FAM184A: variants seen among roughly 807,000 people sequenced by gnomAD.
The protein encoded by FAM184A is protein FAM184A.
In FAM184A, 99 loss-of-function variants were observed where a neutral mutation model predicts 143.8. That is an observed-to-expected ratio of 0.69 (90% CI 0.58 to 0.81). FAM184A has a LOEUF of 0.81. Among genes scored for constraint, FAM184A ranks in the 40% least tolerant of loss-of-function variants. The probability of loss-of-function intolerance (pLI) is 0.00; values close to 1 mark genes in which losing one functional copy is unlikely to be tolerated. For missense variants in FAM184A, 1,217 were observed against 1,310.5 expected (o/e 0.93, Z 1.10); for synonymous variants, 427 against 446.4 (o/e 0.96, Z 0.55).
intron 15 of FAM184A, among the ~76,000 whole-genome samples, chr6:118,965,862 T>A (rs1227705339): frequency 6.6e-6 from 1 of 152,220 alleles, no homozygotes; most frequent in Admixed American, 6.5e-5. Context: ...TTTCAATACA[T>A]TTACTATGCT....
chr6:119,124,374 G>A (rs561728856), intron 1 of FAM184A, among the ~76,000 whole-genome samples: 34 of 152,246 alleles, frequency 2.2e-4, no homozygotes, highest in South Asian at 2.1e-3. Context: ...TATGTAAATT[G>A]TAGAGTTATG....
chr6:119,076,515 T>C (rs914384411), intron 1 of FAM184A, among the ~76,000 whole-genome samples: 1 of 151,892 alleles, frequency 6.6e-6, no homozygotes, highest in African/African-American at 2.4e-5. Context: ...TTTTTTCTGA[T>C]AAAAGAACAG....
intron 1 of FAM184A, among the ~76,000 whole-genome samples, chr6:119,097,880 G>A (rs923986884): frequency 6.6e-6 from 1 of 152,072 alleles, no homozygotes; most frequent in African/African-American, 2.4e-5. Context: ...TCTTGGAGCT[G>A]GCCATAAAGA....
intron 1 of FAM184A, among the ~76,000 whole-genome samples, chr6:119,099,554 C>T (rs1002040988): frequency 6.6e-6 from 1 of 152,266 alleles, no homozygotes; most frequent in Non-Finnish European, 1.5e-5. Context: ...AGGAAAATTG[C>T]ACCGACAGGC....
At chr6:119,027,504 AC>A (rs1468916792) in intron 1 of FAM184A, among the ~76,000 whole-genome samples, 1 of 152,082 alleles carries the variant, frequency 6.6e-6, no homozygotes, top group Admixed American at 6.6e-5. Context: ...TATAGCAGGG[AC>A]CCCACCTCTC....
chr6:118,985,467 G>A (rs1784163184), intron 9 of FAM184A, among the ~76,000 whole-genome samples: 1 of 152,260 alleles, frequency 6.6e-6, no homozygotes, highest in East Asian at 1.9e-4. Context: ...TCCAGTAGAG[G>A]GGCCAGCCAG....
intron 1 of FAM184A, among the ~76,000 whole-genome samples, chr6:119,107,525 G>A (rs537448788): frequency 1.3e-5 from 2 of 152,298 alleles, no homozygotes; most frequent in Non-Finnish European, 2.9e-5. Context: ...ACTTTGGGAG[G>A]CCAAGGTGGG....
At chr6:119,071,845 G>A (rs1373121969) in intron 1 of FAM184A, among the ~76,000 whole-genome samples, 1 of 141,518 alleles carries the variant, frequency 7.1e-6, no homozygotes, top group Non-Finnish European at 1.5e-5. Context: ...ACAGTCTAAA[G>A]TCTAAACCTT....
chr6:119,022,093 C>G (rs917240053), intron 3 of FAM184A, among the ~76,000 whole-genome samples: 9 of 103,706 alleles, frequency 8.7e-5, no homozygotes, highest in African/African-American at 3.4e-4. Flanking sequence ...CAGCCTTGCT[C>G]TGTTGCTCAG....
intron 1 of FAM184A, among the ~76,000 whole-genome samples, chr6:119,047,003 A>C (rs1165783120): frequency 6.6e-6 from 1 of 152,092 alleles, no homozygotes; most frequent in Non-Finnish European, 1.5e-5. Context: ...AATAACCAGA[A>C]TACATAAAAG....
chr6:119,119,933 A>C (rs1319203503), intron 1 of FAM184A, among the ~76,000 whole-genome samples: 1 of 152,222 alleles, frequency 6.6e-6, no homozygotes, highest in Non-Finnish European at 1.5e-5. Flanking sequence ...GCAGTGAGCC[A>C]TGATTGTGCC....
chr6:119,022,814 T>C (rs1322861730), intron 3 of FAM184A, 131 bp downstream of exon 3: 3 of 1,010,192 alleles, frequency 3.0e-6, no homozygotes, highest in Non-Finnish European at 2.9e-6. Flanking sequence ...GAGGCAGAGG[T>C]TGCAATGAGC....
intron 3 of FAM184A, among the ~76,000 whole-genome samples, chr6:119,020,755 G>GT (rs1785417591): frequency 6.6e-6 from 1 of 152,278 alleles, no homozygotes; most frequent in Admixed American, 6.5e-5. Flanking sequence ...TGGGAGGATT[G>GT]TTTGAGCCCA....
chr6:119,128,628 G>A (rs183260122), intron 1 of FAM184A, among the ~76,000 whole-genome samples: 156 of 152,186 alleles, frequency 1.0e-3, no homozygotes, highest in African/African-American at 3.6e-3. Context: ...GGTGAGTGGG[G>A]AGGGAAGGAA....
intron 1 of FAM184A, among the ~76,000 whole-genome samples, chr6:119,066,056 G>C (rs182887781): frequency 6.6e-6 from 1 of 152,288 alleles, no homozygotes; most frequent in African/African-American, 2.4e-5. Context: ...TACAGGGAAG[G>C]AAGAGAGGAC....
chr6:118,984,169 A>T (rs1487295733), intron 9 of FAM184A, among the ~76,000 whole-genome samples: 1 of 142,202 alleles, frequency 7.0e-6, no homozygotes, highest in Non-Finnish European at 1.5e-5. Context: ...ATATATATAT[A>T]TATATATATT....
chr6:119,144,333 C>CAAA (rs555955754), intron 1 of FAM184A, among the ~76,000 whole-genome samples: 1 of 77,982 alleles, frequency 1.3e-5, no homozygotes, highest in Non-Finnish European at 2.9e-5. Context: ...GACTCTGACT[C>CAAA]AAAAAAAAAA....
intron 14 of FAM184A, among the ~76,000 whole-genome samples, chr6:118,970,006 A>ATT (rs1242296300): frequency 4.9e-5 from 1 of 20,490 alleles, no homozygotes; most frequent in East Asian, 2.0e-3. Context: ...ATATATATAT[A>ATT]TATTTTTTTT....
At chr6:119,049,723 T>C (rs1273093318) in intron 1 of FAM184A, among the ~76,000 whole-genome samples, 3 of 152,028 alleles carry the variant, frequency 2.0e-5, no homozygotes, top group Admixed American at 6.6e-5. Context: ...CCCAAAACTA[T>C]AAAAACTCTG....
Sources: allele counts gnomAD v4.1 joint callset (sites outside exome capture counted in the v4.1 genomes callset), GRCh38; gene constraint gnomAD v4.1.1; transcripts MANE v1.5; gene names NCBI Gene and HGNC (gene_info 2026-07-23, HGNC 2026-07-21).